Variants in ARHGAP24 observed in about 807,000 individuals in gnomAD.
ARHGAP24 encodes the protein Rho GTPase activating protein 24, also known as rho GTPase-activating protein 24.
In ARHGAP24, 50 loss-of-function variants were observed where a neutral mutation model predicts 76.4. The observed-to-expected ratio is 0.65, with a 90% CI of 0.52 to 0.83. The LOEUF (loss-of-function observed/expected upper bound fraction) is 0.83, where lower values mean the gene tolerates loss of function less well. Ranked by LOEUF, ARHGAP24 falls within the 40% of genes least tolerant of loss-of-function variation. The probability of loss-of-function intolerance (pLI) is 0.00; values close to 1 mark genes in which losing one functional copy is unlikely to be tolerated. For missense variants in ARHGAP24, 930 were observed against 914.2 expected (o/e 1.02, Z -0.22); for synonymous variants, 345 against 323.3 (o/e 1.07, Z -0.72).
chr4:85,649,575 C>G (rs1721858208), intron 2 of ARHGAP24, among the ~76,000 whole-genome samples: 2 of 152,112 alleles, frequency 1.3e-5, no homozygotes, highest in Non-Finnish European at 2.9e-5. Context: ...ATTTAATTCC[C>G]CATTAGAAAG....
intron 9 of ARHGAP24, among the ~76,000 whole-genome samples, chr4:85,999,174 C>T (rs1422898124): frequency 6.6e-6 from 1 of 151,856 alleles, no homozygotes; most frequent in African/African-American, 2.4e-5. Flanking sequence ...TTGTCCTTCT[C>T]AGTATTTTAA....
At chr4:85,658,525 A>T (rs182593325) in intron 2 of ARHGAP24, among the ~76,000 whole-genome samples, 3 of 152,302 alleles carry the variant, frequency 2.0e-5, no homozygotes, top group Admixed American at 1.3e-4. Context: ...TTCTGCTCTG[A>T]CTGTAGGATC....
chr4:85,730,986 G>A (rs1725376731), intron 3 of ARHGAP24, among the ~76,000 whole-genome samples: 1 of 133,820 alleles, frequency 7.5e-6, no homozygotes, highest in Non-Finnish European at 1.6e-5. Context: ...TAATATAACT[G>A]CACACACACA....
intron 4 of ARHGAP24, among the ~76,000 whole-genome samples, chr4:85,933,658 G>C (rs1286014083): frequency 6.6e-6 from 1 of 152,126 alleles, no homozygotes; most frequent in Non-Finnish European, 1.5e-5. Context: ...TTTTTACCCT[G>C]TTGATTTTGA....
At chr4:85,683,125 G>GGGGGGGGGGGGGGGT (rs1553922590) in intron 2 of ARHGAP24, among the ~76,000 whole-genome samples, 2 of 107,658 alleles carry the variant, frequency 1.9e-5, no homozygotes, top group Admixed American at 1.0e-4. Flanking sequence ...GGTGGGGGGG[G>GGGGGGGGGGGGGGGT]GGTGCGGGGG....
rs184019988 is a variant in ARHGAP24 at position 85,995,185 on chromosome 4, C to T, written c.1531C>T (p.Leu511=). 3.7e-6 allele frequency: 6 copies of T among 1,613,940 alleles called. No homozygotes were observed. In the East Asian group the frequency reaches 1.3e-4, roughly 36 times the overall value. The change falls in exon 9 of 10, where the codon CTG becomes TTG. Residue 511 remains leucine (L), a synonymous_variant. Transcript: ENST00000395184. ...CTGGCTGCCAAATGGCTATGTGACC[C>T]TGAGGGATAACAAGCAGAAAGAACA... is the stretch of plus-strand genomic sequence containing the variant. ...MSWLPNGYVT[L]RDNKQKEQAG...
At position 85,995,466 on chromosome 4, in the gene ARHGAP24, C is replaced by G; in HGVS notation, c.1812C>G (p.Pro604=). The G allele has an allele frequency of 1.9e-6, 3 of 1,603,906 alleles. No individual in the cohort carries two copies. The highest frequency in any genetic ancestry group is 2.6e-6 in the Non-Finnish European group (3 of 1,173,686). Residue 604 remains proline, a synonymous_variant, in exon 9 of 10, where the codon CCC becomes CCG. Transcript: ENST00000395184. ...CCCCGCAGGACGACCTTTCCCACCC[C>G]AGGGACTATGAAAGCAAAAGTGACC... ...DGPPQDDLSH[P]RDYESKSDHR... is the part of the protein sequence containing the mutation.
At chr4:85,956,923 A>G (rs1390904924) in intron 5 of ARHGAP24, among the ~76,000 whole-genome samples, 1 of 152,214 alleles carries the variant, frequency 6.6e-6, no homozygotes, top group East Asian at 1.9e-4. Flanking sequence ...GGGGACCCAA[A>G]GAGGGTAGCT....
intron 1 of ARHGAP24, among the ~76,000 whole-genome samples, chr4:85,529,640 G>A (rs974623878): frequency 3.3e-5 from 5 of 151,988 alleles, no homozygotes; most frequent in African/African-American, 1.2e-4. Flanking sequence ...TTCACTAGAT[G>A]CCAGTAGAAA....
chr4:85,820,217 T>C (rs928377803), intron 3 of ARHGAP24, among the ~76,000 whole-genome samples: 1 of 152,166 alleles, frequency 6.6e-6, no homozygotes, highest in African/African-American at 2.4e-5. Context: ...CACAATAGCA[T>C]GGATATGGAA....
At chr4:85,517,042 G>T (rs1473660308) in intron 1 of ARHGAP24, among the ~76,000 whole-genome samples, 2 of 152,048 alleles carry the variant, frequency 1.3e-5, no homozygotes, top group Non-Finnish European at 2.9e-5. Context: ...TTCCTTCAGT[G>T]AGTTGAGCTG....
intron 1 of ARHGAP24, among the ~76,000 whole-genome samples, chr4:85,560,640 T>C (rs973549664): frequency 6.6e-6 from 1 of 152,356 alleles, no homozygotes; most frequent in South Asian, 2.1e-4. Flanking sequence ...ATTTTTGACT[T>C]TATATTCGTG....
Position 85,617,301 on chromosome 4 carries a change from A to C in ARHGAP24, c.180+46580A>C, listed in dbSNP as rs1720573295. Among the ~76,000 whole-genome samples the C allele has an allele frequency of 3.3e-5, 5 of 150,828 alleles. No individual in the cohort carries two copies. In the South Asian group the frequency reaches 1.0e-3, roughly 31 times the overall value. On this transcript the variant is annotated intron_variant, in intron 2 of 9. Transcript: ENST00000395184. Reference sequence around the variant, plus strand: ...ATATTGATATACTTAACATTTTTAAATGTTCAAAAGAGTGTACATTGAAAT... The same window carrying C: ...ATATTGATATACTTAACATTTTTAACTGTTCAAAAGAGTGTACATTGAAAT...
intron 1 of ARHGAP24, among the ~76,000 whole-genome samples, chr4:85,485,656 A>G (rs1723021908): frequency 6.6e-6 from 1 of 151,474 alleles, no homozygotes; most frequent in Admixed American, 6.6e-5. Context: ...GTAAAATAAG[A>G]GGGCTAGAGT....
intron 3 of ARHGAP24, among the ~76,000 whole-genome samples, chr4:85,878,190 T>A (rs2601848): frequency 0.97 from 147,490 of 152,186 alleles, 71,657 homozygotes; most frequent in East Asian, 1. Context: ...GATAGATTAG[T>A]TGATAGATGG....
intron 2 of ARHGAP24, among the ~76,000 whole-genome samples, chr4:85,624,203 T>C (rs1282927347): frequency 1.3e-5 from 2 of 152,220 alleles, no homozygotes; most frequent in African/African-American, 4.8e-5. Context: ...GCCCATTCAG[T>C]ATGATATTGG....
At chr4:85,527,267 T>C (rs899372004) in intron 1 of ARHGAP24, among the ~76,000 whole-genome samples, 3 of 152,180 alleles carry the variant, frequency 2.0e-5, no homozygotes, top group African/African-American at 7.2e-5. Context: ...AACTCTAGCT[T>C]GTTTTCACGA....
chr4:85,931,747 A>G (rs1283579387), intron 4 of ARHGAP24, among the ~76,000 whole-genome samples: 1 of 152,180 alleles, frequency 6.6e-6, no homozygotes, highest in African/African-American at 2.4e-5. Context: ...GTAAACTAAA[A>G]TGTTTTCAGG....
intron 3 of ARHGAP24, among the ~76,000 whole-genome samples, chr4:85,742,649 G>A (rs1725868775): frequency 6.6e-6 from 1 of 152,212 alleles, no homozygotes; most frequent in Admixed American, 6.5e-5. Context: ...ATTAACAGAT[G>A]TGGAAACTGA....
Sources: allele counts gnomAD v4.1 joint callset (sites outside exome capture counted in the v4.1 genomes callset), GRCh38; gene constraint gnomAD v4.1.1; transcripts MANE v1.5; gene names NCBI Gene and HGNC (gene_info 2026-07-23, HGNC 2026-07-21).